CCDC33: variants seen among roughly 807,000 people sequenced by gnomAD.
CCDC33 encodes the protein coiled-coil domain containing 33.
A neutral mutation model predicts 91.9 loss-of-function variants in CCDC33; 94 were observed. The observed-to-expected ratio is 1.02, with a 90% CI of 0.87 to 1.21. The LOEUF is 1.21. Ranked by LOEUF, CCDC33 falls within the 50% of genes most tolerant of loss-of-function variation. CCDC33 has a pLI of 0.00. For missense variants in CCDC33, 940 were observed against 935.5 expected, an observed-to-expected ratio of 1.00 and a Z score of -0.06; for synonymous variants, 396 against 374.5, an observed-to-expected ratio of 1.06 and a Z score of -0.66.
At position 74,316,841 on chromosome 15, in the gene CCDC33, A is replaced by G. The variant is rs2060097008; in HGVS notation, c.1291-13348A>G. ...CTCGCAGCCTCATTTAATCCCCAAC[A>G]GCGTTATGAGATGGGCACAGTGATG... On this transcript the variant is annotated intron_variant, in intron 11 of 18. Coordinates refer to ENST00000398814, the MANE Select transcript of CCDC33 (RefSeq NM_025055.5). This position sits in a 1 kb window ranked among gnomAD's most constrained non-coding sequence, Gnocchi z 4.7. Among the ~76,000 whole-genome samples, 1 of 152,134 alleles carries G rather than the reference A, an allele frequency of 6.6e-6. No individual in the cohort carries two copies. The highest frequency in any genetic ancestry group is 2.4e-5 in the African/African-American group (1 of 41,426).
At chr15:74,234,967 C>T (rs1366318892), upstream of CCDC33, among the ~76,000 whole-genome samples, 1 of 152,242 alleles carries the variant, frequency 6.6e-6, no homozygotes, top group Non-Finnish European at 1.5e-5. Flanking sequence ...ACCCCCTGAA[C>T]CTGCTGCCCT....
At chr15:74,271,656 C>T in intron 5 of CCDC33, 47 bp from the exon 6 acceptor site, 1 of 1,493,170 alleles carries the variant, frequency 6.7e-7, no homozygotes, top group Admixed American at 1.7e-5. Context: ...TCTGGAAGGT[C>T]CCAAGGCCAC....
intron 3 of CCDC33, among the ~76,000 whole-genome samples, chr15:74,263,684 T>C (rs1268614744): frequency 6.6e-6 from 1 of 152,208 alleles, no homozygotes; most frequent in Admixed American, 6.5e-5. Flanking sequence ...TGTGTGTGCA[T>C]GTCTTTGTGA....
At chr15:74,268,206 T>G in intron 4 of CCDC33, 136 bp from the exon 5 acceptor site, 20 of 682,112 alleles carry the variant, frequency 2.9e-5, no homozygotes, top group Non-Finnish European at 4.3e-5. Context: ...ACAGGGACCA[T>G]GAGCTTTAAT....
At chr15:74,280,323 C>A (rs904459812) in intron 8 of CCDC33, among the ~76,000 whole-genome samples, 2 of 152,184 alleles carry the variant, frequency 1.3e-5, no homozygotes, top group Non-Finnish European at 2.9e-5. Context: ...TTTTATTGCA[C>A]CCATCAGTGA....
At chr15:74,253,766 C>T (rs2075780652) in intron 2 of CCDC33, among the ~76,000 whole-genome samples, 1 of 152,244 alleles carries the variant, frequency 6.6e-6, no homozygotes, top group African/African-American at 2.4e-5. Flanking sequence ...TGTGGCAAAC[C>T]AGAGAGCACC....
At position 74,211,037 on chromosome 15, in the gene CCDC33, C is replaced by T. The variant is rs544659298; in HGVS notation, n.237-1109C>T. On this transcript the variant is annotated intron_variant and non_coding_transcript_variant, in intron 2 of 3. Transcript: ENST00000558645. ...AAGGAGACTCCTGCTGTACCCCAGA[C>T]TCCAACACATCCAAAAGAAACTTAA... Among the ~76,000 whole-genome samples, 12 of 152,260 alleles carry T rather than the reference C, an allele frequency of 7.9e-5. No individual in the cohort carries two copies. The South Asian group carries it at 2.5e-3, about 32-fold the overall frequency.
At chr15:74,332,457 C>T (rs2060458890) in intron 15 of CCDC33, among the ~76,000 whole-genome samples, 1 of 152,178 alleles carries the variant, frequency 6.6e-6, no homozygotes, top group African/African-American at 2.4e-5. Flanking sequence ...CTGAAATACA[C>T]TGAAGACAAA....
At chr15:74,279,709 G>A (rs2076541626) in intron 7 of CCDC33, among the ~76,000 whole-genome samples, 1 of 152,010 alleles carries the variant, frequency 6.6e-6, no homozygotes, top group African/African-American at 2.4e-5. Context: ...GCTAATTTTT[G>A]TATTTTTAGT....
intron 11 of CCDC33, among the ~76,000 whole-genome samples, chr15:74,296,920 A>G (rs2930850): frequency 0.22 from 33,532 of 152,156 alleles, 4,377 homozygotes; most frequent in East Asian, 0.53. Context: ...AGCGGGTCCC[A>G]TGGGGAACGC....
intron 2 of CCDC33, chr15:74,221,229 T>A: frequency 2.0e-6 from 2 of 977,582 alleles, no homozygotes; most frequent in Non-Finnish European, 2.4e-6. Context: ...TTTTTTTTTT[T>A]TTTTTTTTTT....
At chr15:74,289,805 C>T (rs868567884) in intron 10 of CCDC33, among the ~76,000 whole-genome samples, 1 of 152,096 alleles carries the variant, frequency 6.6e-6, no homozygotes, top group African/African-American at 2.4e-5. Flanking sequence ...TTTTTAAATG[C>T]CTCACCAACC....
At chr15:74,239,940 G>A (rs937276431) in intron 1 of CCDC33, among the ~76,000 whole-genome samples, 4 of 152,222 alleles carry the variant, frequency 2.6e-5, no homozygotes, top group Non-Finnish European at 4.4e-5. Context: ...CAGATGGGTC[G>A]AGGACATTGG....
chr15:74,276,397 G>T (rs2076450623), intron 7 of CCDC33, among the ~76,000 whole-genome samples: 2 of 152,194 alleles, frequency 1.3e-5, no homozygotes, highest in African/African-American at 2.4e-5. Flanking sequence ...TGCTCCTGTT[G>T]TTCTGGTCTC....
At chr15:74,303,865 A>C (rs1038242963) in intron 11 of CCDC33, 2 of 152,076 alleles carry the variant, frequency 1.3e-5, no homozygotes, top group Non-Finnish European at 2.9e-5. Flanking sequence ...GGCTGAGAAC[A>C]CTCGCCAGCT....
intron 1 of CCDC33, among the ~76,000 whole-genome samples, chr15:74,238,685 C>A (rs1023400121): frequency 1.3e-5 from 2 of 152,046 alleles, no homozygotes; most frequent in Non-Finnish European, 2.9e-5. Context: ...TGATTTCTGA[C>A]TTTTGTGTCA....
At chr15:74,249,410 T>G (rs2075633863) in intron 2 of CCDC33, among the ~76,000 whole-genome samples, 1 of 151,500 alleles carries the variant, frequency 6.6e-6, no homozygotes, top group Non-Finnish European at 1.5e-5. Context: ...ATGGCGTAAA[T>G]CCAGGAGGTG....
chr15:74,314,595 G>A (rs958710816), intron 11 of CCDC33, among the ~76,000 whole-genome samples: 6 of 152,098 alleles, frequency 3.9e-5, no homozygotes, highest in Admixed American at 3.9e-4. Flanking sequence ...CAGCCCCCTA[G>A]TCTGGACCCA....
At chr15:74,204,408 G>A (rs1017327966) in intron 1 of CCDC33, among the ~76,000 whole-genome samples, 3 of 152,208 alleles carry the variant, frequency 2.0e-5, no homozygotes, top group Non-Finnish European at 2.9e-5. Flanking sequence ...CTATACAGGC[G>A]GCTGCTGTGC....
Sources: allele counts gnomAD v4.1 joint callset (sites outside exome capture counted in the v4.1 genomes callset), GRCh38; gene constraint gnomAD v4.1.1; non-coding constraint Gnocchi (gnomAD v3.1); transcripts MANE v1.5; gene names NCBI Gene and HGNC (gene_info 2026-07-23, HGNC 2026-07-21).